Variants in RNF13 observed in about 807,000 individuals in gnomAD.
RNF13 encodes the protein E3 ubiquitin-protein ligase RNF13.
In RNF13, 19 loss-of-function variants were observed where a neutral mutation model predicts 37.7. The ratio of observed to expected loss-of-function variants is 0.50; its 90% confidence interval spans 0.35 to 0.74. The LOEUF is 0.74. RNF13 is among the 30% of genes least tolerant of loss of function. The pLI, the probability that RNF13 is intolerant of heterozygous loss-of-function variation, is 0.01. For missense variants in RNF13, 375 were observed against 453.0 expected, an observed-to-expected ratio of 0.83 and a Z score of 1.56; for synonymous variants, 144 against 157.8, an observed-to-expected ratio of 0.91 and a Z score of 0.65.
At chr3:149,897,408 G>A (rs912101979) in intron 5 of RNF13, among the ~76,000 whole-genome samples, 1 of 152,126 alleles carries the variant, frequency 6.6e-6, no homozygotes, top group Non-Finnish European at 1.5e-5. Context: ...GGCTGAAATT[G>A]TCAGTTCCCT....
chr3:149,907,465 G>T (rs1399278830), intron 6 of RNF13, among the ~76,000 whole-genome samples: 1 of 152,034 alleles, frequency 6.6e-6, no homozygotes, highest in Non-Finnish European at 1.5e-5. Context: ...TAAAAAGGAT[G>T]GTATATTCTG....
chr3:149,949,414 G>A (rs1721090763), intron 8 of RNF13, among the ~76,000 whole-genome samples: 1 of 148,030 alleles, frequency 6.8e-6, no homozygotes, highest in Non-Finnish European at 1.5e-5. Context: ...GAGCTCCTTT[G>A]TATGTACTGG....
chr3:149,829,730 T>A (rs1360395543), intron 1 of RNF13, among the ~76,000 whole-genome samples: 1 of 152,230 alleles, frequency 6.6e-6, no homozygotes, highest in Non-Finnish European at 1.5e-5. Context: ...TCCAGTGTTT[T>A]TAAAAGCGTT....
chr3:149,853,495 A>G (rs1723340628), intron 3 of RNF13, among the ~76,000 whole-genome samples: 1 of 139,328 alleles, frequency 7.2e-6, no homozygotes, highest in Admixed American at 7.1e-5. Flanking sequence ...AGAGAGAGAG[A>G]GAGAGAATGG....
At chr3:149,883,526 C>T (rs1157954929) in intron 4 of RNF13, among the ~76,000 whole-genome samples, 1 of 151,984 alleles carries the variant, frequency 6.6e-6, no homozygotes, top group Non-Finnish European at 1.5e-5. Context: ...CTTTATATTA[C>T]ATGTAAATGT....
At chr3:149,925,806 G>A (rs1050427259) in intron 8 of RNF13, among the ~76,000 whole-genome samples, 5 of 152,062 alleles carry the variant, frequency 3.3e-5, no homozygotes, top group African/African-American at 1.2e-4. Flanking sequence ...CAAAGTGATT[G>A]ATGGTACCAA....
chr3:149,864,964 T>G (rs2108425614), intron 3 of RNF13, among the ~76,000 whole-genome samples: 1 of 152,298 alleles, frequency 6.6e-6, no homozygotes, highest in East Asian at 1.9e-4. Context: ...CAGATTAATT[T>G]GAAGTAGTAA....
intron 8 of RNF13, among the ~76,000 whole-genome samples, chr3:149,957,761 CT>C (rs1722004365): frequency 6.6e-6 from 1 of 152,116 alleles, no homozygotes; most frequent in African/African-American, 2.4e-5. Flanking sequence ...CACAACAACC[CT>C]AATACATAAT....
intron 8 of RNF13, among the ~76,000 whole-genome samples, chr3:149,944,156 T>C (rs1720547123): frequency 6.6e-6 from 1 of 152,216 alleles, no homozygotes; most frequent in Admixed American, 6.5e-5. Flanking sequence ...CTTATCCTTT[T>C]TTATGGCTGC....
chr3:149,814,993 A>G (rs907497385), intron 1 of RNF13, among the ~76,000 whole-genome samples: 1 of 151,316 alleles, frequency 6.6e-6, no homozygotes, highest in East Asian at 1.9e-4. Context: ...TCTTGTCTCT[A>G]TGTGTAATGC....
chr3:149,921,784 G>A (rs1366759964), intron 8 of RNF13, among the ~76,000 whole-genome samples: 1 of 152,088 alleles, frequency 6.6e-6, no homozygotes, highest in Non-Finnish European at 1.5e-5. Context: ...CTTTATAGTA[G>A]CATGATTTAT....
intron 8 of RNF13, among the ~76,000 whole-genome samples, chr3:149,928,004 C>CTTTTTT (rs766839142): frequency 9.0e-5 from 10 of 111,194 alleles, no homozygotes; most frequent in South Asian, 3.0e-4. Context: ...AAGCAAAAAC[C>CTTTTTT]TTTTTTTTTT....
At chr3:149,893,199 T>G (rs1714902004) in intron 4 of RNF13, among the ~76,000 whole-genome samples, 1 of 152,232 alleles carries the variant, frequency 6.6e-6, no homozygotes, top group Non-Finnish European at 1.5e-5. Flanking sequence ...TCAGCCACAG[T>G]TTTTACTCGT....
At chr3:149,880,495 A>G (rs1186443136) in intron 4 of RNF13, among the ~76,000 whole-genome samples, 2 of 152,160 alleles carry the variant, frequency 1.3e-5, no homozygotes, top group African/African-American at 4.8e-5. Flanking sequence ...GGTGTGGTTC[A>G]TTACAAAGTA....
At chr3:149,918,840 T>G (rs1717823103) in intron 7 of RNF13, among the ~76,000 whole-genome samples, 2 of 152,114 alleles carry the variant, frequency 1.3e-5, no homozygotes, top group African/African-American at 2.4e-5. Context: ...TATCCCTTTA[T>G]TTTTTACTTT....
rs935156449 is a variant in RNF13, at chr3:149,867,366, C to A, written c.196-4663C>A. Among the ~76,000 whole-genome samples, 1,451 of 149,982 alleles carry A rather than the reference C, an allele frequency of 9.7e-3. 10 individuals are homozygous for A. The highest frequency in any genetic ancestry group is 0.015 in the Non-Finnish European group (1,008 of 66,636). ...CTGCAAGCTCCGCCTCCCGGGTTCA[C>A]ACCATTCTCCTGCCTCAGCCTCCCT... On this transcript the variant is annotated intron_variant, in intron 3 of 9. Coordinates refer to ENST00000392894, the MANE Select transcript of RNF13 (RefSeq NM_183381.3).
chr3:149,901,490 A>C (rs905645924), intron 5 of RNF13, among the ~76,000 whole-genome samples: 6 of 152,144 alleles, frequency 3.9e-5, no homozygotes, highest in Admixed American at 6.5e-5. Context: ...ATACCAATCA[A>C]ACACAAAACT....
intron 5 of RNF13, among the ~76,000 whole-genome samples, chr3:149,899,346 G>A (rs985862871): frequency 6.6e-5 from 10 of 152,104 alleles, no homozygotes; most frequent in African/African-American, 2.2e-4. Context: ...CTACTCAAGA[G>A]GCTGAACCAC....
chr3:149,933,179 C>T (rs545437247), intron 8 of RNF13, among the ~76,000 whole-genome samples: 29 of 152,000 alleles, frequency 1.9e-4, no homozygotes, highest in Non-Finnish European at 3.2e-4. Flanking sequence ...TGGTGCAGGG[C>T]AGAGGCTCCG....
Sources: allele counts gnomAD v4.1 joint callset (sites outside exome capture counted in the v4.1 genomes callset), GRCh38; gene constraint gnomAD v4.1.1; transcripts MANE v1.5; gene names NCBI Gene and HGNC (gene_info 2026-07-23, HGNC 2026-07-21).